The following TBL1X variants were observed in gnomAD, a reference collection of about 807,000 sequenced individuals.
TBL1X encodes F-box-like/WD repeat-containing protein TBL1X.
TBL1X carries 10 observed loss-of-function variants against 50.7 expected under a neutral mutation model. The ratio of observed to expected loss-of-function variants is 0.20; its 90% CI spans 0.12 to 0.33. The LOEUF is 0.33. TBL1X is among the 10% of genes least tolerant of loss of function. TBL1X has a pLI of 1.00. For synonymous variants in TBL1X, 190 were observed against 214.7 expected (o/e 0.88, Z 1.01); for missense variants, 340 against 504.4 (o/e 0.67, Z 3.12).
chrX:9,636,935 G>A (rs1243222700), intron 2 of TBL1X: 1 of 112,199 alleles, frequency 8.9e-6, no homozygotes, highest in African/African-American at 3.2e-5. Flanking sequence ...ACAACATTTG[G>A]CTGGACCTTT....
At chrX:9,578,878 G>A (rs1046609239) in intron 2 of TBL1X, among the ~76,000 whole-genome samples, 1 of 112,103 alleles carries the variant, frequency 8.9e-6, no homozygotes, top group African/African-American at 3.2e-5. Context: ...TAGGACAGAT[G>A]TGTCAGCGTC....
At chrX:9,580,343 A>G (rs1373989059) in intron 2 of TBL1X, among the ~76,000 whole-genome samples, 2 of 112,487 alleles carry the variant, frequency 1.8e-5, no homozygotes, top group Non-Finnish European at 1.9e-5. Flanking sequence ...CAGTATATGT[A>G]GGATGAACAT....
At chrX:9,640,429 A>C (rs574752860) in intron 3 of TBL1X, 69 bp downstream of exon 3, 2 of 111,533 alleles carry the variant, frequency 1.8e-5, no homozygotes, top group African/African-American at 6.5e-5. Flanking sequence ...GCAGAACTGC[A>C]TTTTCCCAAA....
intron 8 of TBL1X, 129 bp downstream of exon 8, chrX:9,691,840 A>G: frequency 2.1e-6 from 2 of 955,125 alleles, no homozygotes; most frequent in Non-Finnish European, 1.4e-6. Context: ...GGGCAGACCA[A>G]GGAATGGGTG....
At chrX:9,542,203 G>A (rs2082218286) in intron 2 of TBL1X, among the ~76,000 whole-genome samples, 1 of 111,240 alleles carries the variant, frequency 9.0e-6, no homozygotes, top group Non-Finnish European at 1.9e-5. Flanking sequence ...AAAATTCTAC[G>A]GAAGAATTTT....
chrX:9,671,213 A>G (rs909731543), intron 5 of TBL1X, among the ~76,000 whole-genome samples: 1 of 112,473 alleles, frequency 8.9e-6, no homozygotes, highest in Non-Finnish European at 1.9e-5. Flanking sequence ...AGCAAGGGGA[A>G]AAGGCATAAG....
intron 5 of TBL1X, among the ~76,000 whole-genome samples, chrX:9,663,180 A>G (rs898559903): frequency 9.0e-6 from 1 of 111,553 alleles, no homozygotes; most frequent in Non-Finnish European, 1.9e-5. Flanking sequence ...ATAGTCCCAT[A>G]TAAGTGTTTG....
At chrX:9,633,855 G>A (rs750336675) in intron 2 of TBL1X, among the ~76,000 whole-genome samples, 2 of 111,709 alleles carry the variant, frequency 1.8e-5, no homozygotes, top group Admixed American at 9.5e-5. Flanking sequence ...ACCCTAGCAC[G>A]TTGAGCATGG....
In TBL1X at chrX:9,718,345, T is replaced by C. The variant is rs1413102220; in HGVS notation, c.*2099T>C. On this transcript the variant is annotated 3_prime_UTR_variant, in exon 18 of 18. Transcript: ENST00000645353. ...ATTGATTGGCCTCCACTTGGGTATG[T>C]GAATTATTCATGTCCCAGAAGACCA... is the stretch of plus-strand genomic sequence containing the variant. 3.6e-5 allele frequency: 4 copies of C among 112,096 alleles called. No individual in the cohort carries two copies. Among genetic ancestry groups the C allele is most frequent in the African/African-American group, 1.3e-4 (4 of 30,884 alleles). 9.2% of individuals were successfully genotyped at this position (112,096 alleles called of 1,213,427 possible).
chrX:9,522,866 A>G (rs1002991216), intron 2 of TBL1X, among the ~76,000 whole-genome samples: 6 of 111,451 alleles, frequency 5.4e-5, no homozygotes, highest in African/African-American at 1.6e-4. Context: ...CTCTGTTGAC[A>G]TTTCCCCATG....
At chrX:9,538,029 G>A (rs147091310) in intron 2 of TBL1X, among the ~76,000 whole-genome samples, 3,479 of 111,938 alleles carry the variant, frequency 0.031, 50 homozygotes, top group Non-Finnish European at 0.046. Context: ...GAAAGCTTTG[G>A]AAGTAACATG....
At chrX:9,501,237 T>A (rs1464099944) in intron 1 of TBL1X, among the ~76,000 whole-genome samples, 1 of 111,799 alleles carries the variant, frequency 8.9e-6, no homozygotes, top group African/African-American at 3.3e-5. Flanking sequence ...GAGAGCAAGT[T>A]GGGCATAGTG....
chrX:9,525,188 C>T (rs2082125992), intron 2 of TBL1X, among the ~76,000 whole-genome samples: 1 of 111,238 alleles, frequency 9.0e-6, no homozygotes, highest in Non-Finnish European at 1.9e-5. Context: ...CGTCTTTCCA[C>T]ACACCTTCCA....
intron 5 of TBL1X, among the ~76,000 whole-genome samples, chrX:9,682,980 A>G (rs2083034483): frequency 9.0e-6 from 1 of 111,249 alleles, no homozygotes; most frequent in African/African-American, 3.3e-5. Context: ...TGTTCCTCAC[A>G]CGAGATCCCC....
chrX:9,689,334 A>G lies in TBL1X; in HGVS notation c.616+1059A>G, dbSNP rs150904204. On this transcript the variant is annotated intron_variant, in intron 7 of 17. Transcript: ENST00000645353. ...TGCAGCCCGAGCCAAGCCCTGTGAC[A>G]AGTTACCATCCACAGGCACCAGCTA... Among the ~76,000 whole-genome samples the G allele has an allele frequency of 2.2e-3, 243 of 112,256 alleles. 2 individuals carry two copies. Among genetic ancestry groups the G allele is most frequent in the African/African-American group, 7.4e-3 (228 of 30,939 alleles).
intron 5 of TBL1X, among the ~76,000 whole-genome samples, chrX:9,659,066 C>G (rs965396053): frequency 4.9e-5 from 1 of 20,262 alleles, no homozygotes; most frequent in African/African-American, 8.4e-5. Context: ...TTCAAGAGAT[C>G]CTCCCCCCCG....
chrX:9,547,691 C>T (rs754877037), intron 2 of TBL1X, among the ~76,000 whole-genome samples: 1 of 109,584 alleles, frequency 9.1e-6, no homozygotes, highest in African/African-American at 3.3e-5. Flanking sequence ...CTGCCCCTCA[C>T]CTTGAATCAG....
At chrX:9,590,372 TTAA>T (rs1208535333) in intron 2 of TBL1X, among the ~76,000 whole-genome samples, 1 of 89,141 alleles carries the variant, frequency 1.1e-5, no homozygotes, top group African/African-American at 4.2e-5. Flanking sequence ...GTTTTTTTTT[TTAA>T]AAAAGTCAGA....
intron 1 of TBL1X, among the ~76,000 whole-genome samples, chrX:9,476,756 T>A (rs2081851833): frequency 1.5e-5 from 1 of 67,767 alleles, no homozygotes; most frequent in African/African-American, 5.8e-5. Flanking sequence ...CTACATAATT[T>A]ATATCAATGA....
Sources: allele counts gnomAD v4.1 joint callset (sites outside exome capture counted in the v4.1 genomes callset), GRCh38; gene constraint gnomAD v4.1.1; transcripts MANE v1.5; gene names NCBI Gene and HGNC (gene_info 2026-07-23, HGNC 2026-07-21).